SNX30: variants seen among roughly 807,000 people sequenced by gnomAD.
SNX30 encodes sorting nexin family member 30.
A neutral mutation model predicts 46.4 loss-of-function variants in SNX30; 24 were observed. The ratio of observed to expected loss-of-function variants is 0.52; its 90% CI spans 0.37 to 0.73. SNX30 has a LOEUF of 0.73. SNX30 is among the 30% of genes least tolerant of loss of function. The pLI is 0.00. For missense variants in SNX30, 533 were observed against 555.7 expected (o/e 0.96, Z 0.41); for synonymous variants, 189 against 211.5 (o/e 0.89, Z 0.92).
intron 4 of SNX30, among the ~76,000 whole-genome samples, chr9:112,834,932 GA>G (rs1157627627): frequency 6.6e-6 from 1 of 150,498 alleles, no homozygotes; most frequent in African/African-American, 2.5e-5. Context: ...AAGGCCTAAA[GA>G]AGGAAGCGAA....
chr9:112,862,662 G>T (rs1305543479), intron 7 of SNX30, among the ~76,000 whole-genome samples: 3 of 152,030 alleles, frequency 2.0e-5, no homozygotes, highest in East Asian at 3.9e-4. Context: ...AGTGCTTTGG[G>T]GGACCGAGGT....
intron 6 of SNX30, among the ~76,000 whole-genome samples, chr9:112,849,854 A>G (rs1419725767): frequency 1.3e-5 from 2 of 152,170 alleles, no homozygotes; most frequent in African/African-American, 4.8e-5. Context: ...TTTCATAGCA[A>G]TTTATTTCTT....
chr9:112,849,662 C>T (rs1408520429), intron 6 of SNX30, among the ~76,000 whole-genome samples: 3 of 152,276 alleles, frequency 2.0e-5, no homozygotes, highest in Admixed American at 6.5e-5. Flanking sequence ...TTGAGGTTTC[C>T]GGTATTGACA....
chr9:112,807,659 G>A (rs562751486), intron 2 of SNX30, among the ~76,000 whole-genome samples: 29 of 152,238 alleles, frequency 1.9e-4, no homozygotes, highest in South Asian at 8.3e-4. Context: ...CAAAGTGACC[G>A]CCTTGCTGGC....
At chr9:112,865,657 A>ATGTGTGTGTGTGTGTGTG (rs1399648106) in intron 8 of SNX30, among the ~76,000 whole-genome samples, 4 of 81,420 alleles carry the variant, frequency 4.9e-5, no homozygotes, top group Admixed American at 1.2e-4. Context: ...ATATATATAT[A>ATGTGTGTGTGTGTGTGTG]TATATGTATG....
intron 1 of SNX30, among the ~76,000 whole-genome samples, chr9:112,798,058 A>AGTG (rs1218981319): frequency 4.0e-5 from 6 of 149,464 alleles, no homozygotes; most frequent in African/African-American, 1.5e-4. Flanking sequence ...GTCTTGACAA[A>AGTG]GTGGGAAAAA....
intron 7 of SNX30, among the ~76,000 whole-genome samples, chr9:112,861,710 C>T (rs1005686430): frequency 3.3e-5 from 5 of 152,212 alleles, no homozygotes; most frequent in Non-Finnish European, 7.3e-5. Context: ...GGCCCTGTGG[C>T]CTGTGCACAA....
At chr9:112,867,404 T>C (rs866963752) in intron 8 of SNX30, among the ~76,000 whole-genome samples, 2 of 130,036 alleles carry the variant, frequency 1.5e-5, no homozygotes, top group Middle Eastern at 5.7e-3. Flanking sequence ...CTCCTCAGAA[T>C]TCCTCCTCCC....
chr9:112,795,224 A>G (rs1461796058), intron 1 of SNX30, among the ~76,000 whole-genome samples: 3 of 152,178 alleles, frequency 2.0e-5, no homozygotes, highest in Non-Finnish European at 4.4e-5. Context: ...AGCACCAGCC[A>G]TGTACCACAC....
chr9:112,866,946 T>TCCATCTC (rs1841359454), intron 8 of SNX30, among the ~76,000 whole-genome samples: 1 of 145,876 alleles, frequency 6.9e-6, no homozygotes, highest in African/African-American at 2.6e-5. Flanking sequence ...TCCTCAGAAT[T>TCCATCTC]CCTCCTCCCT....
intron 1 of SNX30, among the ~76,000 whole-genome samples, chr9:112,755,398 T>TA (rs1322269135): frequency 6.6e-6 from 1 of 151,862 alleles, no homozygotes; most frequent in East Asian, 1.9e-4. Flanking sequence ...ATTGGAGAGT[T>TA]AAAGGCTGGG....
chr9:112,876,931 CA>C (rs67151355), downstream of SNX30, among the ~76,000 whole-genome samples: 51 of 135,434 alleles, frequency 3.8e-4, no homozygotes, highest in Middle Eastern at 3.7e-3. Context: ...GTAAGACTGT[CA>C]AAAAAAAAAA....
chr9:112,863,063 T>C (rs1564295927), intron 7 of SNX30, among the ~76,000 whole-genome samples: 1 of 152,212 alleles, frequency 6.6e-6, no homozygotes, highest in South Asian at 2.1e-4. Flanking sequence ...CCCTGACTCC[T>C]GTGTTCTACA....
intron 7 of SNX30, among the ~76,000 whole-genome samples, chr9:112,853,993 C>T (rs1273037646): frequency 1.3e-5 from 2 of 152,192 alleles, no homozygotes; most frequent in Non-Finnish European, 2.9e-5. Context: ...GTTTGGAAAC[C>T]GAGGATCCTG....
intron 6 of SNX30, among the ~76,000 whole-genome samples, chr9:112,848,018 A>G (rs1840965818): frequency 6.6e-6 from 1 of 152,172 alleles, no homozygotes; most frequent in Admixed American, 6.5e-5. Context: ...GGCTAGATGA[A>G]TGAAGATGTA....
intron 1 of SNX30, among the ~76,000 whole-genome samples, chr9:112,755,323 C>T (rs796357391): frequency 6.6e-5 from 10 of 152,148 alleles, no homozygotes; most frequent in African/African-American, 2.2e-4. Context: ...AAGCAGAGGC[C>T]GGAAGGCACA....
chr9:112,864,003 C>T (rs1283887144), intron 7 of SNX30, among the ~76,000 whole-genome samples: 1 of 152,216 alleles, frequency 6.6e-6, no homozygotes, highest in Non-Finnish European at 1.5e-5. Flanking sequence ...GTGTTTCCCC[C>T]ACGAGTCTCT....
At chr9:112,795,176 C>CTG (rs566829976) in intron 1 of SNX30, among the ~76,000 whole-genome samples, 10 of 151,526 alleles carry the variant, frequency 6.6e-5, no homozygotes, top group Non-Finnish European at 8.8e-5. Context: ...GTGTGTGTGT[C>CTG]TGTGTGTGTG....
rs992106059 is a variant in SNX30 at position 112,873,332 on chromosome 9, A to T, written c.*4489A>T. 1 of 152,258 alleles carries T rather than the reference A, an allele frequency of 6.6e-6. No individual in the cohort carries two copies. Among genetic ancestry groups the T allele is most frequent in the African/African-American group, 2.4e-5 (1 of 41,456 alleles). 9.4% of individuals were successfully genotyped at this position (152,258 alleles called of 1,614,324 possible). The stretch of plus-strand genomic sequence containing the variant: ...AAATCAACAAATCCAGAATTTAAAA[A>T]AATGCCACAGACTTTTCAAAGCCCA... On this transcript the variant is annotated 3_prime_UTR_variant, in exon 9 of 9. Coordinates refer to ENST00000374232, the MANE Select transcript of SNX30 (RefSeq NM_001012994.2).
Sources: gnomAD v4.1 joint callset for allele counts (sites outside exome capture counted in the v4.1 genomes callset) on GRCh38, gnomAD v4.1.1 for gene constraint, MANE v1.5 for transcripts, NCBI Gene and HGNC (gene_info 2026-07-23, HGNC 2026-07-21) for gene names.